Variants in UTRN observed in about 807,000 individuals in gnomAD.
UTRN encodes the protein dystrophin-related protein 1.
A neutral mutation model predicts 463.9 loss-of-function variants in UTRN; 283 were observed. The ratio of observed to expected loss-of-function variants is 0.61; its 90% CI spans 0.55 to 0.67. The LOEUF is 0.67. UTRN is among the 30% of genes least tolerant of loss of function. The pLI is 0.00. For missense variants in UTRN, 3,922 were observed against 4,084.3 expected, an observed-to-expected ratio of 0.96 and a Z score of 1.08; for synonymous variants, 1,442 against 1,431.5, an observed-to-expected ratio of 1.01 and a Z score of -0.17.
intron 13 of UTRN, among the ~76,000 whole-genome samples, chr6:144,441,864 T>C (rs1045775502): frequency 3.9e-5 from 6 of 152,332 alleles, no homozygotes; most frequent in Admixed American, 3.9e-4. Context: ...CAACACCACA[T>C]GGAAGCTGCC....
At chr6:144,786,347 A>G (rs1320507271) in intron 61 of UTRN, among the ~76,000 whole-genome samples, 1 of 152,120 alleles carries the variant, frequency 6.6e-6, no homozygotes, top group Non-Finnish European at 1.5e-5. Context: ...GTGCAGTGGC[A>G]TGATGTCAGC....
intron 2 of UTRN, among the ~76,000 whole-genome samples, chr6:144,371,727 T>G (rs1264133730): frequency 9.2e-5 from 14 of 152,150 alleles, no homozygotes; most frequent in Admixed American, 9.2e-4. Context: ...CTTTTATATT[T>G]CACATAGCTG....
intron 52 of UTRN, among the ~76,000 whole-genome samples, chr6:144,691,558 A>C (rs1783422298): frequency 6.6e-6 from 1 of 152,096 alleles, no homozygotes; most frequent in African/African-American, 2.4e-5. Context: ...TCCTCTTTTC[A>C]GACTCCATTA....
At chr6:144,341,292 G>C (rs1455798775) in intron 2 of UTRN, among the ~76,000 whole-genome samples, 2 of 152,138 alleles carry the variant, frequency 1.3e-5, no homozygotes, top group South Asian at 4.1e-4. Flanking sequence ...ATTTTTTAAA[G>C]TTAATAGCCT....
chr6:144,408,251 A>G (rs1011510543), intron 3 of UTRN, among the ~76,000 whole-genome samples: 1 of 152,198 alleles, frequency 6.6e-6, no homozygotes, highest in African/African-American at 2.4e-5. Flanking sequence ...CTTCCATTGT[A>G]TGGTGTGTAT....
intron 23 of UTRN, among the ~76,000 whole-genome samples, chr6:144,470,675 C>A (rs570484979): frequency 2.0e-5 from 3 of 152,034 alleles, no homozygotes; most frequent in African/African-American, 4.8e-5. Context: ...CCAAAGCAGG[C>A]GGCTGGGAGG....
chr6:144,802,503 T>C (rs970786690), intron 64 of UTRN, among the ~76,000 whole-genome samples: 1 of 152,210 alleles, frequency 6.6e-6, no homozygotes, highest in African/African-American at 2.4e-5. Flanking sequence ...ACTTATCGTC[T>C]AAGGTTTTGC....
chr6:144,524,791 A>G (rs1165972807), intron 41 of UTRN, among the ~76,000 whole-genome samples: 11 of 151,972 alleles, frequency 7.2e-5, no homozygotes, highest in African/African-American at 2.4e-4. Context: ...AATGCTTTCA[A>G]TTTTTCCTCA....
chr6:144,322,054 G>A (rs1376351085), intron 2 of UTRN, among the ~76,000 whole-genome samples: 1 of 152,148 alleles, frequency 6.6e-6, no homozygotes, highest in Non-Finnish European at 1.5e-5. Flanking sequence ...GTGAGCACCC[G>A]GCTGCCCATA....
chr6:144,696,871 G>A (rs937716029), intron 52 of UTRN, among the ~76,000 whole-genome samples: 1 of 152,104 alleles, frequency 6.6e-6, no homozygotes, highest in Admixed American at 6.5e-5. Flanking sequence ...TCTGTACACT[G>A]GGAGAAGGAA....
chr6:144,808,480 A>G (rs1028484367), intron 65 of UTRN, among the ~76,000 whole-genome samples: 1 of 152,118 alleles, frequency 6.6e-6, no homozygotes, highest in African/African-American at 2.4e-5. Flanking sequence ...ATTTAATTCA[A>G]ATTAGAAACA....
intron 66 of UTRN, among the ~76,000 whole-genome samples, chr6:144,826,473 A>G (rs538906959): frequency 4.6e-5 from 7 of 152,086 alleles, no homozygotes; most frequent in Non-Finnish European, 1.0e-4. Flanking sequence ...TTCTACATTC[A>G]TTTACTCTCC....
chr6:144,381,172 C>A (rs887015481), intron 2 of UTRN, among the ~76,000 whole-genome samples: 2 of 152,110 alleles, frequency 1.3e-5, no homozygotes, highest in Admixed American at 6.6e-5. Flanking sequence ...TTCCCTCCCC[C>A]CAACCTCCAC....
intron 51 of UTRN, among the ~76,000 whole-genome samples, chr6:144,596,851 A>G (rs571769693): frequency 6.6e-6 from 1 of 152,300 alleles, no homozygotes; most frequent in Admixed American, 6.5e-5. Context: ...GCCCTTGCAT[A>G]CTTTACTGTT....
rs779316275 is a variant in UTRN, at chr6:144,539,282, T to C, written c.6370-12T>C. On this transcript the variant is annotated splice_polypyrimidine_tract_variant and intron_variant, in intron 44 of 74. Coordinates refer to ENST00000367545, the MANE Select transcript of UTRN (RefSeq NM_007124.3). ...CTACCTTCTAACCACACCTATCTTTTAACTTCTCCAGGACTTAACTCAAGA... is the reference window on the plus strand; with the variant it reads ...CTACCTTCTAACCACACCTATCTTTCAACTTCTCCAGGACTTAACTCAAGA... 6.3e-7 allele frequency: 1 copy of C among 1,598,138 alleles called. No homozygotes were observed. Among genetic ancestry groups the C allele is most frequent in the African/African-American group, 1.3e-5 (1 of 74,300 alleles).
At chr6:144,366,226 T>G (rs1239367961) in intron 2 of UTRN, among the ~76,000 whole-genome samples, 2 of 152,252 alleles carry the variant, frequency 1.3e-5, no homozygotes, top group African/African-American at 4.8e-5. Flanking sequence ...GATGTTGCTA[T>G]CAATAAATTT....
chr6:144,602,528 T>C (rs190274106), intron 51 of UTRN, among the ~76,000 whole-genome samples: 13 of 152,306 alleles, frequency 8.5e-5, no homozygotes, highest in Admixed American at 8.5e-4. Context: ...AAGCTATGCA[T>C]ACATTTAAGA....
At chr6:144,444,851 A>T (rs1787506894) in intron 14 of UTRN, among the ~76,000 whole-genome samples, 1 of 152,196 alleles carries the variant, frequency 6.6e-6, no homozygotes, top group African/African-American at 2.4e-5. Context: ...CACACCTTTG[A>T]TTTAACACTG....
intron 60 of UTRN, among the ~76,000 whole-genome samples, chr6:144,775,173 T>C (rs1775211286): frequency 6.6e-6 from 1 of 152,228 alleles, no homozygotes; most frequent in East Asian, 1.9e-4. Flanking sequence ...AGTGATGCTT[T>C]GAAAATTATG....
Sources: gnomAD v4.1 joint callset for allele counts (sites outside exome capture counted in the v4.1 genomes callset) on GRCh38, gnomAD v4.1.1 for gene constraint, MANE v1.5 for transcripts, NCBI Gene and HGNC (gene_info 2026-07-23, HGNC 2026-07-21) for gene names.